CTNNA3: variants seen among roughly 807,000 people sequenced by gnomAD.
CTNNA3 encodes catenin alpha 3.
In CTNNA3, 76 loss-of-function variants were observed where a neutral mutation model predicts 95.7. That is an observed-to-expected ratio of 0.79 (90% CI 0.66 to 0.96). The LOEUF (loss-of-function observed/expected upper bound fraction) is 0.96. Among genes scored for constraint, CTNNA3 ranks in the 40% least tolerant of loss-of-function variants. CTNNA3 has a pLI of 0.00. For synonymous variants in CTNNA3, 431 were observed against 374.4 expected (o/e 1.15, Z -1.74); for missense variants, 1,191 against 1,089.8 (o/e 1.09, Z -1.31).
chr10:67,636,848 C>T (rs1839332265), intron 2 of CTNNA3, among the ~76,000 whole-genome samples: 1 of 152,116 alleles, frequency 6.6e-6, no homozygotes, highest in Admixed American at 6.6e-5. Flanking sequence ...GACATCCACA[C>T]CAAAACCCCA....
At chr10:66,241,658 G>A (rs1011303298) in intron 13 of CTNNA3, among the ~76,000 whole-genome samples, 2 of 77,276 alleles carry the variant, frequency 2.6e-5, no homozygotes, top group East Asian at 4.0e-4. Context: ...ACCTCCTCAC[G>A]TGAGCTACTT....
At chr10:66,264,494 G>T (rs2091098077) in intron 13 of CTNNA3, among the ~76,000 whole-genome samples, 1 of 151,872 alleles carries the variant, frequency 6.6e-6, no homozygotes, top group African/African-American at 2.4e-5. Flanking sequence ...AAGTCAAAGT[G>T]ATAATATTTT....
chr10:65,987,616 C>A (rs2078454246), intron 16 of CTNNA3, among the ~76,000 whole-genome samples: 1 of 151,988 alleles, frequency 6.6e-6, no homozygotes, highest in South Asian at 2.1e-4. Flanking sequence ...TAGGAGTTTT[C>A]TTTAAAAACT....
chr10:66,210,480 T>G (rs1168868599), intron 13 of CTNNA3, among the ~76,000 whole-genome samples: 2 of 152,048 alleles, frequency 1.3e-5, no homozygotes, highest in African/African-American at 4.8e-5. Flanking sequence ...AAATAATGTA[T>G]TAGAGTTAGC....
chr10:66,691,595 C>G (rs184730328), intron 9 of CTNNA3, among the ~76,000 whole-genome samples: 1 of 152,298 alleles, frequency 6.6e-6, no homozygotes, highest in Non-Finnish European at 1.5e-5. Flanking sequence ...TCTGACAGCT[C>G]TGAAGAGAGC....
At chr10:67,476,351 A>T (rs562976392) in intron 5 of CTNNA3, among the ~76,000 whole-genome samples, 42 of 151,748 alleles carry the variant, frequency 2.8e-4, no homozygotes, top group African/African-American at 1.0e-3. Context: ...TCCAGCCATC[A>T]GGGGGCACTC....
intron 2 of CTNNA3, among the ~76,000 whole-genome samples, chr10:67,610,766 G>C (rs879425368): frequency 2.6e-5 from 4 of 152,166 alleles, no homozygotes; most frequent in Admixed American, 6.5e-5. Flanking sequence ...AGGAAGTTTA[G>C]TTGGAACAAC....
At chr10:66,701,157 T>G (rs1298193922) in intron 9 of CTNNA3, among the ~76,000 whole-genome samples, 1 of 152,180 alleles carries the variant, frequency 6.6e-6, no homozygotes, top group African/African-American at 2.4e-5. Context: ...GAACTTTGGT[T>G]GAGTATCAGT....
At chr10:66,333,946 G>A (rs1234741113) in intron 12 of CTNNA3, among the ~76,000 whole-genome samples, 1 of 152,086 alleles carries the variant, frequency 6.6e-6, no homozygotes, top group Non-Finnish European at 1.5e-5. Context: ...AGGATAGTTA[G>A]CTCTTCTTGT....
In CTNNA3 at chr10:66,334,832, A is replaced by G. The variant is rs148907148; in HGVS notation, c.1732+44320T>C. ...GGATAATATCTTGCAGTGTTTTCCAACTTGGTTCCATTCTCCCCATCACTT... is the reference window on the plus strand; with the variant it reads ...GGATAATATCTTGCAGTGTTTTCCAGCTTGGTTCCATTCTCCCCATCACTT... On this transcript the variant is annotated intron_variant, in intron 12 of 17. Coordinates refer to ENST00000433211, the MANE Select transcript of CTNNA3 (RefSeq NM_013266.4). 7.2e-3 allele frequency among the ~76,000 whole-genome samples: 1,092 copies of G among 152,176 alleles called. 17 individuals are homozygous for G. The highest frequency in any genetic ancestry group is 0.024 in the African/African-American group (1,015 of 41,542).
chr10:66,822,888 T>C (rs1842350318), intron 7 of CTNNA3, among the ~76,000 whole-genome samples: 1 of 152,210 alleles, frequency 6.6e-6, no homozygotes, highest in Admixed American at 6.5e-5. Flanking sequence ...GGTGTAAGAT[T>C]ATCTTCTTCC....
intron 12 of CTNNA3, among the ~76,000 whole-genome samples, chr10:66,364,803 T>C (rs1162198429): frequency 6.6e-6 from 1 of 152,178 alleles, no homozygotes; most frequent in African/African-American, 2.4e-5. Context: ...ATATTTCCTC[T>C]GTAATGATTT....
In CTNNA3 at chr10:66,717,350, C is replaced by A. The variant is rs548752352; in HGVS notation, c.1281+48914G>T. 2.0e-5 allele frequency among the ~76,000 whole-genome samples: 3 copies of A among 152,074 alleles called. No homozygotes were observed. The East Asian group carries it at 5.8e-4, about 29-fold the overall frequency. On this transcript the variant is annotated intron_variant, in intron 9 of 17. Coordinates refer to ENST00000433211, the MANE Select transcript of CTNNA3 (RefSeq NM_013266.4). ...GTAAACATATATATGTACTATATAC[C>A]TTATCTTTATACCTTCTGATAGCAC...
chr10:67,701,613 C>G (rs1460960612), intron 1 of CTNNA3, among the ~76,000 whole-genome samples: 5 of 152,224 alleles, frequency 3.3e-5, no homozygotes, highest in South Asian at 2.1e-4. Flanking sequence ...CCTAAAACAG[C>G]TCCTGAAGGA....
At chr10:67,235,262 T>A (rs1280248567) in intron 5 of CTNNA3, among the ~76,000 whole-genome samples, 2 of 150,534 alleles carry the variant, frequency 1.3e-5, no homozygotes, top group Non-Finnish European at 3.0e-5. Flanking sequence ...GACTTCAAAC[T>A]ATACTACAAG....
chr10:67,726,547 ATAT>A (rs1289124866), intron 1 of CTNNA3, among the ~76,000 whole-genome samples: 1 of 69,858 alleles, frequency 1.4e-5, no homozygotes, highest in Non-Finnish European at 2.3e-5. Context: ...TATATATTAC[ATAT>A]TATATAATAT....
At chr10:67,250,240 G>A (rs1866054788) in intron 5 of CTNNA3, among the ~76,000 whole-genome samples, 1 of 149,430 alleles carries the variant, frequency 6.7e-6, no homozygotes, top group Non-Finnish European at 1.5e-5. Flanking sequence ...TTTTGAGATG[G>A]AGTCTCACTC....
intron 7 of CTNNA3, among the ~76,000 whole-genome samples, chr10:67,113,288 A>T (rs1489966306): frequency 1.3e-5 from 2 of 151,978 alleles, no homozygotes; most frequent in Non-Finnish European, 2.9e-5. Context: ...TAGGATGCTA[A>T]TTTTTTTCTT....
intron 7 of CTNNA3, among the ~76,000 whole-genome samples, chr10:66,797,006 G>C (rs988871320): frequency 6.6e-6 from 1 of 151,262 alleles, no homozygotes; most frequent in African/African-American, 2.4e-5. Flanking sequence ...AAACACATAA[G>C]TTATTCTTTG....
Sources: allele counts gnomAD v4.1 joint callset (sites outside exome capture counted in the v4.1 genomes callset), GRCh38; gene constraint gnomAD v4.1.1; transcripts MANE v1.5; gene names NCBI Gene and HGNC (gene_info 2026-07-23, HGNC 2026-07-21).